ANKRD13C: variants seen among roughly 807,000 people sequenced by gnomAD.
The protein encoded by ANKRD13C is ankyrin repeat domain 13C.
Under a neutral mutation model 65.5 loss-of-function variants are expected in ANKRD13C, and 16 were observed. The observed-to-expected ratio is 0.24, with a 90% CI of 0.17 to 0.37. The LOEUF is 0.37. Ranked by LOEUF, ANKRD13C falls within the 10% of genes least tolerant of loss-of-function variation. The pLI, the probability that ANKRD13C is intolerant of heterozygous loss-of-function variation, is 1.00. For missense variants in ANKRD13C, 503 were observed against 655.9 expected (o/e 0.77, Z 2.55); for synonymous variants, 235 against 238.7 (o/e 0.98, Z 0.14).
At chr1:70,313,655 G>A in intron 5 of ANKRD13C, 90 bp downstream of exon 5, 2 of 942,040 alleles carry the variant, frequency 2.1e-6, no homozygotes, top group South Asian at 3.4e-5. Flanking sequence ...TATTAAATTT[G>A]TTATCCTAAC....
At chr1:70,333,496 A>T (rs1246513898) in intron 2 of ANKRD13C, among the ~76,000 whole-genome samples, 1 of 152,140 alleles carries the variant, frequency 6.6e-6, no homozygotes, top group Non-Finnish European at 1.5e-5. Flanking sequence ...ATCTCACCCA[A>T]GTCAGTCTAG....
At chr1:70,324,830 C>A in intron 3 of ANKRD13C, 23 bp downstream of exon 3, 1 of 1,506,184 alleles carries the variant, frequency 6.6e-7, no homozygotes, top group Non-Finnish European at 9.1e-7. Flanking sequence ...GATATATCAA[C>A]AACAGTAATT....
intron 9 of ANKRD13C, among the ~76,000 whole-genome samples, chr1:70,288,775 A>C (rs372187576): frequency 6.6e-6 from 1 of 152,160 alleles, no homozygotes; most frequent in African/African-American, 2.4e-5. Context: ...CCTATAAAAG[A>C]GGTACATGAG....
intron 7 of ANKRD13C, among the ~76,000 whole-genome samples, chr1:70,298,826 TAAC>T (rs1219779278): frequency 6.6e-6 from 1 of 152,240 alleles, no homozygotes; most frequent in African/African-American, 2.4e-5. Context: ...TGGCTGCTTT[TAAC>T]AACAGCAGAG....
intron 9 of ANKRD13C, among the ~76,000 whole-genome samples, chr1:70,283,208 T>A: frequency 6.6e-6 from 1 of 152,218 alleles, no homozygotes; most frequent in African/African-American, 2.4e-5. Flanking sequence ...CACTTCTTGC[T>A]GAATCCTTCA....
At chr1:70,309,204 C>G (rs1165817217) in intron 5 of ANKRD13C, among the ~76,000 whole-genome samples, 1 of 151,774 alleles carries the variant, frequency 6.6e-6, no homozygotes, top group Non-Finnish European at 1.5e-5. Flanking sequence ...TCCTGAGTAG[C>G]TGGGATTACA....
intron 9 of ANKRD13C, among the ~76,000 whole-genome samples, chr1:70,284,319 A>G (rs1182297973): frequency 6.6e-6 from 1 of 152,120 alleles, no homozygotes; most frequent in African/African-American, 2.4e-5. Flanking sequence ...TAAAATATAT[A>G]ATTTTAATGT....
At chr1:70,348,175 GA>G (rs1682607373) in intron 1 of ANKRD13C, among the ~76,000 whole-genome samples, 1 of 150,676 alleles carries the variant, frequency 6.6e-6, no homozygotes, top group African/African-American at 2.4e-5. Context: ...TAAAAGTAGA[GA>G]AAAAAATATC....
Position 70,292,395 on chromosome 1 carries a change from T to C in ANKRD13C, c.1208A>G (p.Asn403Ser). Residue 403 changes from asparagine to serine, a missense_variant, in exon 9 of 13, where the codon AAT (asparagine) becomes AGT (serine). Coordinates refer to ENST00000370944, the MANE Select transcript of ANKRD13C (RefSeq NM_030816.5). ...LSKGGNIMEQ[N>S]FEPIRRQSLT... ...AAGAATTAAAAATTATACCTCAAAA[T>C]TCTGTTCCATTATGTTTCCACCTTT... is the stretch of plus-strand genomic sequence containing the variant. 6.4e-7 allele frequency: 1 copy of C among 1,573,588 alleles called. No homozygotes were observed. The highest frequency in any genetic ancestry group is 1.4e-5 in the African/African-American group (1 of 72,444).
chr1:70,277,412 G>A (rs1679188402), intron 9 of ANKRD13C, among the ~76,000 whole-genome samples: 2 of 150,198 alleles, frequency 1.3e-5, no homozygotes, highest in Admixed American at 1.3e-4. Context: ...AGCCGAGATC[G>A]TGCCACTGCA....
intron 2 of ANKRD13C, among the ~76,000 whole-genome samples, chr1:70,325,183 A>T (rs1403883633): frequency 6.6e-6 from 1 of 152,152 alleles, no homozygotes; most frequent in Non-Finnish European, 1.5e-5. Flanking sequence ...AATAAATTGG[A>T]TCTCTCTGCA....
intron 11 of ANKRD13C, among the ~76,000 whole-genome samples, chr1:70,271,513 G>A (rs900794477): frequency 1.3e-5 from 2 of 152,000 alleles, no homozygotes; most frequent in African/African-American, 2.4e-5. Context: ...CGACTGCTAC[G>A]TTTCTTGAAT....
At chr1:70,279,713 G>A (rs865883307) in intron 9 of ANKRD13C, among the ~76,000 whole-genome samples, 2 of 151,824 alleles carry the variant, frequency 1.3e-5, no homozygotes, top group Non-Finnish European at 2.9e-5. Flanking sequence ...ATGTTGGCTG[G>A]GCTGGTCTCA....
At chr1:70,307,528 G>A (rs917853218) in intron 5 of ANKRD13C, among the ~76,000 whole-genome samples, 8 of 152,142 alleles carry the variant, frequency 5.3e-5, no homozygotes, top group African/African-American at 1.9e-4. Context: ...AATGCAAAAT[G>A]ACTTCCAGCA....
chr1:70,293,276 C>T (rs1302451180), intron 8 of ANKRD13C, among the ~76,000 whole-genome samples: 2 of 151,790 alleles, frequency 1.3e-5, no homozygotes, highest in South Asian at 4.2e-4. Context: ...GTTTGAAATA[C>T]CTTACTTAAA....
intron 12 of ANKRD13C, among the ~76,000 whole-genome samples, chr1:70,263,232 T>C (rs996333781): frequency 5.9e-5 from 9 of 152,196 alleles, no homozygotes; most frequent in South Asian, 2.1e-4. Flanking sequence ...CTATTCTGAC[T>C]CTTTGAGCTG....
chr1:70,325,706 G>A (rs901500519), intron 2 of ANKRD13C, among the ~76,000 whole-genome samples: 7 of 151,600 alleles, frequency 4.6e-5, no homozygotes, highest in African/African-American at 9.7e-5. Context: ...GTGAAACCCC[G>A]TCTCTACTAA....
intron 11 of ANKRD13C, among the ~76,000 whole-genome samples, chr1:70,272,990 A>T (rs553385582): frequency 1.7e-3 from 247 of 147,188 alleles, no homozygotes; most frequent in African/African-American, 6.0e-3. Context: ...TCTGTCTCAA[A>T]AAATAAATAA....
Position 70,276,849 on chromosome 1 carries a change from CAAA to C in ANKRD13C, c.1216-8_1216-6del, listed in dbSNP as rs745401277. 59 of 1,259,522 alleles carry C rather than the reference CAAA, an allele frequency of 4.7e-5. No individual in the cohort carries two copies. The highest frequency in any genetic ancestry group is 2.1e-4 in the Middle Eastern group (1 of 4,872). The allele number at this position is 1,259,522 out of a possible 1,614,324, so 78.0% of individuals were successfully genotyped here. ...AAGAGACTGTCTTCGAATCGGCTGC[CAAA>C]AAAAAAAAAGAAAGAAAGTGGGGTG... is the stretch of plus-strand genomic sequence containing the variant. On this transcript the variant is annotated splice_polypyrimidine_tract_variant and splice_region_variant and intron_variant, in intron 9 of 12. Transcript: ENST00000370944.
Sources: allele counts gnomAD v4.1 joint callset (sites outside exome capture counted in the v4.1 genomes callset), GRCh38; gene constraint gnomAD v4.1.1; transcripts MANE v1.5; gene names NCBI Gene and HGNC (gene_info 2026-07-23, HGNC 2026-07-21).